The following OR1B1 variants were observed in gnomAD, a reference collection of about 807,000 sequenced individuals.
OR1B1 encodes olfactory receptor family 1 subfamily B member 1.
For synonymous variants in OR1B1, 168 were observed against 156.2 expected, an observed-to-expected ratio of 1.08 and a Z score of -0.57; for missense variants, 414 against 402.1, an observed-to-expected ratio of 1.03 and a Z score of -0.25.
chr9:122,634,674 T>G, the OR1B1 span, among the ~76,000 whole-genome samples: 1 of 152,016 alleles, frequency 6.6e-6, no homozygotes, highest in East Asian at 1.9e-4. Flanking sequence ...TGATTACAAT[T>G]GGAGATGAGA....
At chr9:122,650,068 TA>T in the OR1B1 span, among the ~76,000 whole-genome samples, 46,332 of 151,648 alleles carry the variant, frequency 0.31, 8,261 homozygotes, top group East Asian at 0.59. Flanking sequence ...TATGCAGTCA[TA>T]AAAAAAAGGA....
At chr9:122,639,244 T>A in the OR1B1 span, among the ~76,000 whole-genome samples, 1 of 152,262 alleles carries the variant, frequency 6.6e-6, no homozygotes, top group African/African-American at 2.4e-5. Flanking sequence ...TTTTGATACA[T>A]CTATAGATAT....
At chr9:122,651,549 C>G in the OR1B1 span, among the ~76,000 whole-genome samples, 3,377 of 152,128 alleles carry the variant, frequency 0.022, 128 homozygotes, top group African/African-American at 0.078. Flanking sequence ...TAGGACAAAG[C>G]TGGAGGCATC....
chr9:122,654,060 G>T, the OR1B1 span, among the ~76,000 whole-genome samples: 4 of 152,118 alleles, frequency 2.6e-5, no homozygotes, highest in African/African-American at 9.7e-5. Flanking sequence ...CATACTCTAT[G>T]TATTTTTTAA....
the OR1B1 span, among the ~76,000 whole-genome samples, chr9:122,641,964 G>A: frequency 6.6e-6 from 1 of 152,032 alleles, no homozygotes; most frequent in African/African-American, 2.4e-5. Context: ...AAATGATTAG[G>A]GCAGAGATAA....
At chr9:122,655,722 A>G in the OR1B1 span, among the ~76,000 whole-genome samples, 1 of 152,038 alleles carries the variant, frequency 6.6e-6, no homozygotes, top group Non-Finnish European at 1.5e-5. Context: ...GCATTAGAAA[A>G]AATAGCTAAT....
the OR1B1 span, among the ~76,000 whole-genome samples, chr9:122,635,837 A>C: frequency 1.3e-5 from 2 of 152,142 alleles, no homozygotes; most frequent in Admixed American, 1.3e-4. Flanking sequence ...GAAACCACTG[A>C]ATAGAAATTC....
the OR1B1 span, among the ~76,000 whole-genome samples, chr9:122,635,944 A>T: frequency 1.3e-5 from 2 of 152,392 alleles, no homozygotes; most frequent in African/African-American, 4.8e-5. Flanking sequence ...TAATATTTCC[A>T]AAGTGCTGAG....
chr9:122,634,093 T>C (rs962360950), upstream of OR1B1, among the ~76,000 whole-genome samples: 1 of 151,730 alleles, frequency 6.6e-6, no homozygotes, highest in Non-Finnish European at 1.5e-5. Context: ...TCCCAGCACA[T>C]TGGGAGGCTG....
the OR1B1 span, among the ~76,000 whole-genome samples, chr9:122,646,967 TGTTA>T: frequency 8.5e-5 from 13 of 152,308 alleles, no homozygotes; most frequent in East Asian, 5.8e-4. Context: ...TCTTTTTGCG[TGTTA>T]GTTTGTTTAT....
upstream of OR1B1, among the ~76,000 whole-genome samples, chr9:122,632,860 A>G (rs1028191189): frequency 2.0e-5 from 3 of 152,182 alleles, no homozygotes; most frequent in Non-Finnish European, 2.9e-5. Flanking sequence ...CCTGCTGATA[A>G]AGGCATACCC....
chr9:122,629,082 C>T (rs1420681933), exon 1 of OR1B1: 3 of 1,613,796 alleles, frequency 1.9e-6, no homozygotes, highest in Non-Finnish European at 2.5e-6. Context: ...ATGGACACCA[C>T]CCAGCTCAAG....
upstream of OR1B1, among the ~76,000 whole-genome samples, chr9:122,634,154 T>C (rs1830232845): frequency 1.3e-5 from 2 of 151,456 alleles, no homozygotes; most frequent in African/African-American, 2.4e-5. Context: ...CTGACCAACG[T>C]GGAGAAACCC....
chr9:122,649,376 G>T, the OR1B1 span, among the ~76,000 whole-genome samples: 1 of 152,168 alleles, frequency 6.6e-6, no homozygotes, highest in South Asian at 2.1e-4. Flanking sequence ...CAAAAGCAAT[G>T]GCAACAAAAG....
At chr9:122,628,243 C>T (rs1030528835), downstream of OR1B1, among the ~76,000 whole-genome samples, 1 of 152,128 alleles carries the variant, frequency 6.6e-6, no homozygotes, top group African/African-American at 2.4e-5. Context: ...TACTGCTCTT[C>T]GTTTAGTTCA....
At chr9:122,628,580 C>G (rs1564218356) in exon 1 of OR1B1, 2 of 1,582,512 alleles carry the variant, frequency 1.3e-6, no homozygotes, top group African/African-American at 1.3e-5. Flanking sequence ...GCAGGCTAAT[C>G]AGGGGTCTAC....
At chr9:122,656,793 T>C in the OR1B1 span, among the ~76,000 whole-genome samples, 1 of 152,188 alleles carries the variant, frequency 6.6e-6, no homozygotes, top group African/African-American at 2.4e-5. Flanking sequence ...CAAACAGTAC[T>C]AAATCAAAAA....
At chr9:122,653,223 A>G in the OR1B1 span, among the ~76,000 whole-genome samples, 1 of 152,242 alleles carries the variant, frequency 6.6e-6, no homozygotes, top group Non-Finnish European at 1.5e-5. Flanking sequence ...TAATGTTGAC[A>G]GACACCATGC....
At chr9:122,646,018 G>A in the OR1B1 span, among the ~76,000 whole-genome samples, 1 of 152,040 alleles carries the variant, frequency 6.6e-6, no homozygotes, top group Non-Finnish European at 1.5e-5. Context: ...GACATAAAGA[G>A]AAACAACAAA....
Sources: allele counts gnomAD v4.1 joint callset (sites outside exome capture counted in the v4.1 genomes callset), GRCh38; gene constraint gnomAD v4.1.1; transcripts MANE v1.5; gene names NCBI Gene and HGNC (gene_info 2026-07-23, HGNC 2026-07-21).